Variants in ZNF385D observed in about 807,000 individuals in gnomAD.
The protein encoded by ZNF385D is zinc finger protein 659.
A neutral mutation model predicts 35.8 loss-of-function variants in ZNF385D; 15 were observed. The ratio of observed to expected loss-of-function variants is 0.42; its 90% CI spans 0.28 to 0.64. ZNF385D has a LOEUF of 0.64. Ranked by LOEUF, ZNF385D falls within the 30% of genes least tolerant of loss-of-function variation. The probability of loss-of-function intolerance (pLI) is 0.23; values close to 1 mark genes in which losing one functional copy is unlikely to be tolerated. For synonymous variants in ZNF385D, 212 were observed against 186.8 expected, an observed-to-expected ratio of 1.13 and a Z score of -1.10; for missense variants, 474 against 494.6, an observed-to-expected ratio of 0.96 and a Z score of 0.39.
chr3:21,848,131 A>G (rs73044716), intron 3 of ZNF385D, among the ~76,000 whole-genome samples: 11,382 of 152,048 alleles, frequency 0.075, 612 homozygotes, highest in Non-Finnish European at 0.12. Flanking sequence ...TTCTCTTAGC[A>G]TAATATCCTC....
At chr3:21,939,398 C>G (rs1331346840) in intron 3 of ZNF385D, among the ~76,000 whole-genome samples, 1 of 152,030 alleles carries the variant, frequency 6.6e-6, no homozygotes, top group Non-Finnish European at 1.5e-5. Flanking sequence ...GGAATCAAAA[C>G]ATAGTTTGAC....
At chr3:21,523,275 A>G (rs1009574743) in intron 3 of ZNF385D, among the ~76,000 whole-genome samples, 12 of 152,234 alleles carry the variant, frequency 7.9e-5, no homozygotes, top group Non-Finnish European at 1.5e-4. Context: ...ACCACAAAGT[A>G]TGAACGGAAG....
intron 3 of ZNF385D, among the ~76,000 whole-genome samples, chr3:21,834,734 C>A (rs969046199): frequency 6.6e-6 from 1 of 151,094 alleles, no homozygotes; most frequent in Non-Finnish European, 1.5e-5. Flanking sequence ...GACTGTAATC[C>A]CCACGTGTCG....
At chr3:22,319,937 TCTTA>T (rs1349573819) in intron 2 of ZNF385D, among the ~76,000 whole-genome samples, 9 of 152,160 alleles carry the variant, frequency 5.9e-5, no homozygotes, top group African/African-American at 1.9e-4. Flanking sequence ...TCATAAAACA[TCTTA>T]CTATTTATTA....
chr3:21,872,432 A>G (rs758669802), intron 3 of ZNF385D, among the ~76,000 whole-genome samples: 1 of 152,164 alleles, frequency 6.6e-6, no homozygotes, highest in Non-Finnish European at 1.5e-5. Context: ...ATGAAAATCT[A>G]TTGAATTGAA....
chr3:21,719,429 T>G (rs2125443254), intron 1 of ZNF385D, among the ~76,000 whole-genome samples: 1 of 152,348 alleles, frequency 6.6e-6, no homozygotes, highest in African/African-American at 2.4e-5. Flanking sequence ...GCATTTGCAC[T>G]GTAATTGAGC....
At chr3:21,930,827 A>T (rs1700970132) in intron 3 of ZNF385D, among the ~76,000 whole-genome samples, 1 of 152,182 alleles carries the variant, frequency 6.6e-6, no homozygotes, top group Non-Finnish European at 1.5e-5. Context: ...CTAAAAACTT[A>T]TTGAAGACCA....
chr3:21,798,446 G>C (rs946155053), intron 3 of ZNF385D, among the ~76,000 whole-genome samples: 5 of 152,066 alleles, frequency 3.3e-5, no homozygotes, highest in African/African-American at 1.2e-4. Context: ...AGACATCCTT[G>C]GGTCCTTACC....
At chr3:22,216,167 C>T (rs1385353138) in intron 2 of ZNF385D, among the ~76,000 whole-genome samples, 1 of 152,028 alleles carries the variant, frequency 6.6e-6, no homozygotes, top group Non-Finnish European at 1.5e-5. Flanking sequence ...GAAAGTCTGA[C>T]TTTGATCACT....
At chr3:21,975,376 G>C (rs551641256) in intron 3 of ZNF385D, among the ~76,000 whole-genome samples, 3 of 152,256 alleles carry the variant, frequency 2.0e-5, no homozygotes, top group Admixed American at 6.5e-5. Context: ...CTCATGGAGA[G>C]AGAGAGTAAA....
intron 3 of ZNF385D, among the ~76,000 whole-genome samples, chr3:21,963,502 G>C (rs1307915867): frequency 6.6e-6 from 1 of 152,112 alleles, no homozygotes; most frequent in South Asian, 2.1e-4. Flanking sequence ...TCTGAACATA[G>C]TAATCCATAT....
At chr3:22,230,204 T>C (rs1166784483) in intron 2 of ZNF385D, among the ~76,000 whole-genome samples, 1 of 152,166 alleles carries the variant, frequency 6.6e-6, no homozygotes, top group Admixed American at 6.5e-5. Flanking sequence ...TGCACCACCA[T>C]TTGGGTTCAA....
rs139281179 is a variant in ZNF385D at position 22,256,166 on chromosome 3, TATATACATATAC to T, written c.107-87143_107-87132del. 4.7e-3 allele frequency among the ~76,000 whole-genome samples: 717 copies of T among 151,194 alleles called. 3 individuals are homozygous for T. Among genetic ancestry groups the T allele is most frequent in the African/African-American group, 0.017 (684 of 41,206 alleles). Reference sequence around the variant, plus strand: ...CTGGCTCTCCTTGTTCGTCAGCATATATATACATATACATATACATATACATACACACATACA... The same window carrying T: ...CTGGCTCTCCTTGTTCGTCAGCATATATATACATATACATACACACATACA... On this transcript the variant is annotated intron_variant, in intron 2 of 5. Coordinates refer to the ZNF385D transcript ENST00000494108.
chr3:21,827,119 A>C (rs1447725139), intron 3 of ZNF385D, among the ~76,000 whole-genome samples: 2 of 152,218 alleles, frequency 1.3e-5, no homozygotes, highest in Non-Finnish European at 1.5e-5. Context: ...AAATTAGGTC[A>C]TACATGCAAT....
intron 2 of ZNF385D, among the ~76,000 whole-genome samples, chr3:22,216,409 T>C (rs556198162): frequency 6.6e-6 from 1 of 152,200 alleles, no homozygotes; most frequent in East Asian, 1.9e-4. Context: ...TTTTAATTTG[T>C]GGAATGTACA....
intron 3 of ZNF385D, among the ~76,000 whole-genome samples, chr3:22,112,039 A>G (rs1420052751): frequency 6.6e-6 from 1 of 152,146 alleles, no homozygotes; most frequent in Non-Finnish European, 1.5e-5. Flanking sequence ...CTCTAATCTT[A>G]AAGGACCACA....
At chr3:21,436,537 T>G (rs1184276281) in intron 5 of ZNF385D, among the ~76,000 whole-genome samples, 1 of 152,132 alleles carries the variant, frequency 6.6e-6, no homozygotes, top group Non-Finnish European at 1.5e-5. Flanking sequence ...ATAACATTAT[T>G]TTTTTCATAA....
At chr3:21,913,651 C>T (rs570124497) in intron 3 of ZNF385D, among the ~76,000 whole-genome samples, 6 of 152,168 alleles carry the variant, frequency 3.9e-5, no homozygotes, top group African/African-American at 1.4e-4. Context: ...GCTATTCTTT[C>T]TGTTTATACA....
intron 2 of ZNF385D, among the ~76,000 whole-genome samples, chr3:21,622,936 A>T (rs1157164390): frequency 6.6e-6 from 1 of 151,862 alleles, no homozygotes; most frequent in East Asian, 1.9e-4. Flanking sequence ...GAAAAAGAAA[A>T]TGCTTATTAG....
Sources: gnomAD v4.1 joint callset for allele counts (sites outside exome capture counted in the v4.1 genomes callset) on GRCh38, gnomAD v4.1.1 for gene constraint, MANE v1.5 for transcripts, NCBI Gene and HGNC (gene_info 2026-07-23, HGNC 2026-07-21) for gene names.